PCDH15: variants seen among roughly 807,000 people sequenced by gnomAD.
PCDH15 encodes protocadherin-15.
Under a neutral mutation model 178.5 loss-of-function variants are expected in PCDH15, and 129 were observed. The ratio of observed to expected loss-of-function variants is 0.72; its 90% CI spans 0.63 to 0.84. The LOEUF (loss-of-function observed/expected upper bound fraction) is 0.84. Among genes scored for constraint, PCDH15 ranks in the 40% least tolerant of loss-of-function variants. The pLI is 0.00. For missense variants in PCDH15, 2,230 were observed against 2,099.9 expected (o/e 1.06, Z -1.21); for synonymous variants, 800 against 732.0 (o/e 1.09, Z -1.50).
At chr10:54,340,147 A>G (rs1039856464) in intron 6 of PCDH15, among the ~76,000 whole-genome samples, 2 of 152,184 alleles carry the variant, frequency 1.3e-5, no homozygotes, top group Non-Finnish European at 1.5e-5. Context: ...TTTTTTCTAA[A>G]TACATCAGCC....
At chr10:55,025,928 A>T (rs1387103256) in intron 2 of PCDH15, among the ~76,000 whole-genome samples, 1 of 152,028 alleles carries the variant, frequency 6.6e-6, no homozygotes, top group Non-Finnish European at 1.5e-5. Flanking sequence ...TACTTTATTT[A>T]TTTATAAGTC....
chr10:55,443,681 T>C (rs1839247942), intron 2 of PCDH15, among the ~76,000 whole-genome samples: 2 of 152,150 alleles, frequency 1.3e-5, no homozygotes, highest in African/African-American at 4.8e-5. Flanking sequence ...TTTACACTGT[T>C]GGTGGGAGTG....
chr10:55,079,594 A>G (rs1452626413), intron 2 of PCDH15, among the ~76,000 whole-genome samples: 6 of 152,126 alleles, frequency 3.9e-5, no homozygotes, highest in Non-Finnish European at 8.8e-5. Context: ...TGGCTTCCTC[A>G]GATGCCAGTA....
intron 3 of PCDH15, among the ~76,000 whole-genome samples, chr10:54,455,160 G>A (rs2076737740): frequency 6.6e-6 from 1 of 152,138 alleles, no homozygotes; most frequent in South Asian, 2.1e-4. Flanking sequence ...GTGGAACTGT[G>A]ACTTAATTAT....
At position 53,880,646 on chromosome 10, in the gene PCDH15, C is replaced by T. The variant is rs563959279; in HGVS notation, c.3502-13789G>A. Among the ~76,000 whole-genome samples, 17 of 151,892 alleles carry T rather than the reference C, an allele frequency of 1.1e-4. No homozygotes were observed. In the East Asian group the frequency reaches 1.7e-3, roughly 16 times the overall value. On this transcript the variant is annotated intron_variant, in intron 26 of 37. Transcript: ENST00000644397. The stretch of plus-strand genomic sequence containing the variant: ...TTGCTTTCATAGTAAAAGAGTATGT[C>T]GAGGCAAATATAATTCAATTTATAA...
chr10:55,409,222 G>A (rs1838276190), intron 2 of PCDH15, among the ~76,000 whole-genome samples: 1 of 152,044 alleles, frequency 6.6e-6, no homozygotes. Flanking sequence ...AAGTGCCTCA[G>A]ATTTCACATT....
intron 2 of PCDH15, among the ~76,000 whole-genome samples, chr10:55,129,474 T>C (rs1306726516): frequency 6.6e-6 from 1 of 152,116 alleles, no homozygotes; most frequent in Non-Finnish European, 1.5e-5. Flanking sequence ...CTAAGTTTCC[T>C]CTCATCTCTC....
chr10:55,138,337 C>G (rs1838259191), intron 2 of PCDH15, among the ~76,000 whole-genome samples: 1 of 152,066 alleles, frequency 6.6e-6, no homozygotes, highest in East Asian at 1.9e-4. Flanking sequence ...TTTTCTATGT[C>G]AAATCATAAG....
At chr10:54,550,526 C>T (rs150457941) in intron 2 of PCDH15, among the ~76,000 whole-genome samples, 3 of 150,874 alleles carry the variant, frequency 2.0e-5, no homozygotes, top group Non-Finnish European at 4.4e-5. Flanking sequence ...TGCGTGCACA[C>T]ACATATACAA....
At chr10:54,161,878 A>G (rs1428776854) in intron 13 of PCDH15, among the ~76,000 whole-genome samples, 1 of 151,928 alleles carries the variant, frequency 6.6e-6, no homozygotes, top group Admixed American at 6.6e-5. Context: ...TTGAGACTTT[A>G]TCTCCCATTC....
At chr10:55,031,122 G>C (rs746487482) in intron 2 of PCDH15, among the ~76,000 whole-genome samples, 1 of 152,072 alleles carries the variant, frequency 6.6e-6, no homozygotes, top group Non-Finnish European at 1.5e-5. Flanking sequence ...GCCTTGTATA[G>C]TTTAGTTGTT....
chr10:54,529,321 C>G (rs1275181009), intron 2 of PCDH15, among the ~76,000 whole-genome samples: 1 of 152,032 alleles, frequency 6.6e-6, no homozygotes, highest in Non-Finnish European at 1.5e-5. Flanking sequence ...TCCTACAGAG[C>G]CCAGCACTAC....
At chr10:55,444,142 G>T (rs1200481476) in intron 2 of PCDH15, among the ~76,000 whole-genome samples, 1 of 151,814 alleles carries the variant, frequency 6.6e-6, no homozygotes, top group Non-Finnish European at 1.5e-5. Context: ...CGGGGGGTGG[G>T]GGGTAAGGGG....
chr10:55,324,552 A>T (rs1340880850), upstream of PCDH15, among the ~76,000 whole-genome samples: 1 of 152,202 alleles, frequency 6.6e-6, no homozygotes, highest in Non-Finnish European at 1.5e-5. Context: ...GCATGCACCC[A>T]ACACAGGTGC....
intron 3 of PCDH15, among the ~76,000 whole-genome samples, chr10:54,891,194 G>A (rs1000620862): frequency 2.9e-4 from 44 of 152,062 alleles, no homozygotes; most frequent in African/African-American, 1.1e-3. Flanking sequence ...AGACCATCAT[G>A]TCTATTCTAT....
intron 3 of PCDH15, among the ~76,000 whole-genome samples, chr10:54,868,315 C>T (rs1329779700): frequency 6.6e-6 from 1 of 152,130 alleles, no homozygotes; most frequent in East Asian, 1.9e-4. Flanking sequence ...TATCTGCAGA[C>T]ATCAGTTGTT....
chr10:54,989,764 T>C (rs1037710925), intron 2 of PCDH15, among the ~76,000 whole-genome samples: 4 of 152,144 alleles, frequency 2.6e-5, no homozygotes, highest in African/African-American at 9.6e-5. Context: ...ATGATTGGTT[T>C]TGAAATGTGA....
chr10:55,301,764 A>G (rs1172520541), intron 1 of PCDH15, among the ~76,000 whole-genome samples: 1 of 152,134 alleles, frequency 6.6e-6, no homozygotes, highest in Non-Finnish European at 1.5e-5. Context: ...TTAATGTTTT[A>G]CTAACTTTTG....
At chr10:55,560,412 G>A (rs1842174114) in intron 2 of PCDH15, among the ~76,000 whole-genome samples, 1 of 151,660 alleles carries the variant, frequency 6.6e-6, no homozygotes, top group South Asian at 2.1e-4. Context: ...CTTCTGTCTT[G>A]GTTGTCCAAT....
Sources: allele counts gnomAD v4.1 joint callset (sites outside exome capture counted in the v4.1 genomes callset), GRCh38; gene constraint gnomAD v4.1.1; transcripts MANE v1.5; gene names NCBI Gene and HGNC (gene_info 2026-07-23, HGNC 2026-07-21).